Variants in PALS1 observed in about 807,000 individuals in gnomAD.
PALS1 encodes protein associated with LIN7 1, MAGUK p55 family member.
Under a neutral mutation model 78.9 loss-of-function variants are expected in PALS1, and 31 were observed. The ratio of observed to expected loss-of-function variants is 0.39; its 90% CI spans 0.30 to 0.53. The LOEUF (loss-of-function observed/expected upper bound fraction) is 0.53, where lower values mean the gene tolerates loss of function less well. Ranked by LOEUF, PALS1 falls within the 20% of genes least tolerant of loss-of-function variation. The probability of loss-of-function intolerance (pLI) is 0.67; values close to 1 mark genes in which losing one functional copy is unlikely to be tolerated. For missense variants in PALS1, 704 were observed against 826.5 expected (o/e 0.85, Z 1.82); for synonymous variants, 276 against 270.9 (o/e 1.02, Z -0.18).
At chr14:67,272,413 T>C (rs893279389) in intron 2 of PALS1, among the ~76,000 whole-genome samples, 1 of 152,214 alleles carries the variant, frequency 6.6e-6, no homozygotes, top group Non-Finnish European at 1.5e-5. Flanking sequence ...ATGGGCATAT[T>C]TGGATCTACT....
At chr14:67,293,890 G>C (rs2084807749) in intron 4 of PALS1, among the ~76,000 whole-genome samples, 1 of 152,134 alleles carries the variant, frequency 6.6e-6, no homozygotes, top group Non-Finnish European at 1.5e-5. Context: ...GGGTGAAGAA[G>C]AGAGTGAGAG....
chr14:67,275,109 A>G (rs985147183), intron 2 of PALS1, among the ~76,000 whole-genome samples: 1 of 152,126 alleles, frequency 6.6e-6, no homozygotes, highest in Non-Finnish European at 1.5e-5. Flanking sequence ...AATACCCTTT[A>G]TTTCTTTCTC....
intron 14 of PALS1, among the ~76,000 whole-genome samples, chr14:67,329,812 C>A (rs1463853843): frequency 2.7e-5 from 4 of 150,788 alleles, no homozygotes; most frequent in African/African-American, 4.9e-5. Context: ...CCAGCCTGGG[C>A]AACACAGCAA....
chr14:67,332,718 C>T, intron 14 of PALS1, 62 bp from the exon 15 acceptor site: 1 of 1,507,218 alleles, frequency 6.6e-7, no homozygotes, highest in Non-Finnish European at 9.0e-7. Flanking sequence ...CCATCTCTGA[C>T]TCATCCTATA....
At chr14:67,321,866 CTTTAA>C (rs764131869) in intron 13 of PALS1, among the ~76,000 whole-genome samples, 29 of 152,198 alleles carry the variant, frequency 1.9e-4, no homozygotes, top group Non-Finnish European at 2.8e-4. Flanking sequence ...ATTGGTAGTA[CTTTAA>C]TTTGAGTCTA....
intron 4 of PALS1, among the ~76,000 whole-genome samples, chr14:67,299,773 A>G (rs979432600): frequency 1.3e-5 from 2 of 152,186 alleles, no homozygotes; most frequent in African/African-American, 4.8e-5. Flanking sequence ...GATGTTTAGG[A>G]ACTGACTTAA....
Position 67,321,099 on chromosome 14 carries a change from A to T in PALS1, c.1580A>T (p.Asp527Val), listed in dbSNP as rs2085256338. The T allele has an allele frequency of 4.3e-6, 7 of 1,614,158 alleles. No individual in the cohort carries two copies. The highest frequency in any genetic ancestry group is 5.9e-6 in the Non-Finnish European group (7 of 1,180,008). The change falls in exon 13 of 15, where the codon GAT becomes GTT. Residue 527 changes from aspartate to valine, a missense_variant. By Grantham distance (152) the Asp-to-Val change is radical. Coordinates refer to ENST00000261681, the MANE Select transcript of PALS1 (RefSeq NM_022474.4). ...CGAGACCAAGAAGTAGCCGGTAGAG[A>T]TTACCACTTTGTTTCGCGGCAAGCA... is the stretch of plus-strand genomic sequence containing the variant. Reference protein sequence around the residue: ...SRRDQEVAGRDYHFVSRQAFE... With the variant: ...SRRDQEVAGRVYHFVSRQAFE...
chr14:67,280,582 T>C (rs942656960), intron 3 of PALS1, among the ~76,000 whole-genome samples: 1 of 152,154 alleles, frequency 6.6e-6, no homozygotes, highest in African/African-American at 2.4e-5. Flanking sequence ...AAGACACCAA[T>C]GGTAGAGCCA....
At chr14:67,326,831 G>C (rs2085366204) in intron 14 of PALS1, among the ~76,000 whole-genome samples, 1 of 152,192 alleles carries the variant, frequency 6.6e-6, no homozygotes, top group South Asian at 2.1e-4. Flanking sequence ...AATATACTAT[G>C]ATATTAATAT....
At chr14:67,320,502 T>C in intron 12 of PALS1, 105 bp downstream of exon 12, 2 of 1,090,232 alleles carry the variant, frequency 1.8e-6, no homozygotes, top group Non-Finnish European at 2.5e-6. Context: ...TAAAACACTG[T>C]TGTCAGTGAA....
intron 4 of PALS1, among the ~76,000 whole-genome samples, chr14:67,301,170 G>GT (rs1286659544): frequency 6.6e-6 from 1 of 151,994 alleles, no homozygotes; most frequent in Non-Finnish European, 1.5e-5. Flanking sequence ...GTCTATAGGC[G>GT]TAAGTACCAA....
intron 6 of PALS1, 129 bp downstream of exon 6, chr14:67,302,247 A>T: frequency 1.7e-6 from 2 of 1,178,398 alleles, no homozygotes; most frequent in South Asian, 4.5e-5. Flanking sequence ...GGAAATGGTC[A>T]ACTTTTAAAT....
chr14:67,269,453 A>T (rs1456834765), intron 1 of PALS1, among the ~76,000 whole-genome samples: 1 of 152,114 alleles, frequency 6.6e-6, no homozygotes, highest in Non-Finnish European at 1.5e-5. Context: ...ACTGTTTCCA[A>T]TGTGTTATTG....
intron 1 of PALS1, among the ~76,000 whole-genome samples, chr14:67,257,470 A>G (rs546917980): frequency 2.0e-3 from 309 of 152,228 alleles, no homozygotes; most frequent in African/African-American, 7.0e-3. Flanking sequence ...GGGTCCTGAT[A>G]CTTACTTTGC....
intron 11 of PALS1, among the ~76,000 whole-genome samples, 161 bp from the exon 12 acceptor site, chr14:67,320,069 G>T (rs1238028801): frequency 6.6e-6 from 1 of 152,154 alleles, no homozygotes; most frequent in African/African-American, 2.4e-5. Context: ...AATAGAAGGA[G>T]TATTATATTG....
At chr14:67,312,156 A>G (rs2085099548) in intron 8 of PALS1, 1 of 154,274 alleles carries the variant, frequency 6.5e-6, no homozygotes. Flanking sequence ...GTAGCTGCGA[A>G]CAGTGTTGTG....
intron 1 of PALS1, chr14:67,241,823 C>G (rs563849046): frequency 1.3e-5 from 2 of 152,024 alleles, no homozygotes; most frequent in South Asian, 4.2e-4. Context: ...CAGCCGAGCC[C>G]GAGGTGCAGG....
chr14:67,264,611 A>G (rs917490064), intron 1 of PALS1, among the ~76,000 whole-genome samples: 54 of 152,216 alleles, frequency 3.5e-4, no homozygotes, highest in Non-Finnish European at 1.5e-5. Flanking sequence ...CCAGTGTGGA[A>G]ATAAATTTTT....
intron 2 of PALS1, among the ~76,000 whole-genome samples, chr14:67,275,298 A>G (rs570428733): frequency 6.6e-6 from 1 of 152,322 alleles, no homozygotes; most frequent in Non-Finnish European, 1.5e-5. Context: ...CATTCCATCA[A>G]TACCTAGTTT....
Sources: gnomAD v4.1 joint callset for allele counts (sites outside exome capture counted in the v4.1 genomes callset) on GRCh38, gnomAD v4.1.1 for gene constraint, MANE v1.5 for transcripts, NCBI Gene and HGNC (gene_info 2026-07-23, HGNC 2026-07-21) for gene names.